CPED1: variants seen among roughly 807,000 people sequenced by gnomAD.
CPED1 encodes cadherin like and PC-esterase domain containing 1.
A neutral mutation model predicts 128.2 loss-of-function variants in CPED1; 114 were observed. The ratio of observed to expected loss-of-function variants is 0.89; its 90% CI spans 0.76 to 1.04. The LOEUF (loss-of-function observed/expected upper bound fraction) is 1.04. Among genes scored for constraint, CPED1 ranks in the 50% least tolerant of loss-of-function variants. The pLI, the probability that CPED1 is intolerant of heterozygous loss-of-function variation, is 0.00. For synonymous variants in CPED1, 462 were observed against 426.7 expected, an observed-to-expected ratio of 1.08 and a Z score of -1.02; for missense variants, 1,211 against 1,207.1, an observed-to-expected ratio of 1.00 and a Z score of -0.05.
intron 7 of CPED1, among the ~76,000 whole-genome samples, chr7:121,104,782 T>TA (rs1794932130): frequency 6.6e-6 from 1 of 152,120 alleles, no homozygotes; most frequent in Admixed American, 6.6e-5. Flanking sequence ...CAAAGGTCAT[T>TA]AAAAAAATTT....
chr7:121,255,461 T>A (rs995751629), intron 18 of CPED1, among the ~76,000 whole-genome samples: 3 of 151,908 alleles, frequency 2.0e-5, no homozygotes, highest in African/African-American at 7.2e-5. Flanking sequence ...TAACATCATA[T>A]GGAATGGGCA....
At chr7:121,178,085 C>G (rs1344588088) in intron 16 of CPED1, among the ~76,000 whole-genome samples, 1 of 152,004 alleles carries the variant, frequency 6.6e-6, no homozygotes, top group African/African-American at 2.4e-5. Context: ...TCAGAAGAAC[C>G]ACAAAGAGAT....
chr7:121,171,931 C>T (rs1041695382), intron 16 of CPED1, among the ~76,000 whole-genome samples: 2 of 152,162 alleles, frequency 1.3e-5, no homozygotes, highest in Non-Finnish European at 2.9e-5. Flanking sequence ...GAATCTGGAA[C>T]CAGAAAGTCT....
chr7:121,058,857 G>A (rs1793576364), intron 4 of CPED1, among the ~76,000 whole-genome samples: 1 of 152,162 alleles, frequency 6.6e-6, no homozygotes, highest in Non-Finnish European at 1.5e-5. Flanking sequence ...CAAATTTGTT[G>A]GAGATGTTGT....
At chr7:121,229,610 A>G (rs1798092862) in intron 16 of CPED1, among the ~76,000 whole-genome samples, 2 of 152,044 alleles carry the variant, frequency 1.3e-5, no homozygotes, top group Admixed American at 6.6e-5. Context: ...CACCCAGGAA[A>G]CTTCTCAGTT....
chr7:121,030,017 T>C (rs1792689692), intron 3 of CPED1, among the ~76,000 whole-genome samples: 1 of 152,170 alleles, frequency 6.6e-6, no homozygotes, highest in Non-Finnish European at 1.5e-5. Flanking sequence ...TGTTACATGT[T>C]TATGGTGGAA....
In CPED1 at chr7:121,136,043, C is replaced by G. The variant is rs41281692; in HGVS notation, c.1652C>G (p.Ala551Gly). 0.45 allele frequency: 664,549 copies of G among 1,480,188 alleles called. 156,829 individuals carry two copies. Among genetic ancestry groups the G allele is most frequent in the East Asian group, 0.84 (32,786 of 38,914 alleles). 91.7% of individuals were successfully genotyped at this position (1,480,188 alleles called of 1,614,324 possible). A position where few individuals can be genotyped will look rare whatever the true frequency, so the allele number is the denominator to read the frequency against. Residue 551 changes from alanine to glycine, a missense_variant, in exon 14 of 23, where the codon GCA (alanine) becomes GGA (glycine). By Grantham distance (60) the Ala-to-Gly change is moderately conservative (BLOSUM62 0). Transcript: ENST00000310396. ...TTACATTTCTTTTTTTTTTTAGCTGCAGTTCCACAAATTAAAAATGAAAAT... is the reference window on the plus strand; with the variant it reads ...TTACATTTCTTTTTTTTTTTAGCTGGAGTTCCACAAATTAAAAATGAAAAT... ...PFDAIENKKA[A>G]VPQIKNENKE...
At chr7:121,219,817 G>A (rs1797838766) in intron 16 of CPED1, among the ~76,000 whole-genome samples, 1 of 151,996 alleles carries the variant, frequency 6.6e-6, no homozygotes. Flanking sequence ...AAACGTACTT[G>A]TAATTTCTCA....
chr7:121,169,037 A>G (rs1796595111), intron 16 of CPED1, among the ~76,000 whole-genome samples: 1 of 152,220 alleles, frequency 6.6e-6, no homozygotes, highest in Non-Finnish European at 1.5e-5. Context: ...AAATATGTGT[A>G]TGTGCTTATA....
At chr7:121,114,673 G>A (rs1795192643) in intron 7 of CPED1, among the ~76,000 whole-genome samples, 1 of 152,196 alleles carries the variant, frequency 6.6e-6, no homozygotes, top group South Asian at 2.1e-4. Context: ...TATGGGTAAA[G>A]TTTCTGTAAG....
chr7:121,114,021 G>A (rs186256403), intron 7 of CPED1, among the ~76,000 whole-genome samples: 5 of 151,886 alleles, frequency 3.3e-5, no homozygotes, highest in Admixed American at 1.3e-4. Context: ...TTGTAGAGAC[G>A]GCCTTTCACC....
chr7:121,098,803 AATATATAAATAAT>A lies in CPED1; in HGVS notation c.749+980_749+992del, dbSNP rs1404319798. Among the ~76,000 whole-genome samples the A allele has an allele frequency of 6.7e-3, 966 of 143,900 alleles. 15 individuals are homozygous for A. Among genetic ancestry groups the A allele is most frequent in the African/African-American group, 0.023 (888 of 39,202 alleles). 94.4% of individuals were successfully genotyped at this position (143,900 alleles called of 152,430 possible). A position where few individuals can be genotyped will look rare whatever the true frequency, so the allele number is the denominator to read the frequency against. On this transcript the variant is annotated intron_variant, in intron 6 of 22. Coordinates refer to ENST00000310396, the MANE Select transcript of CPED1 (RefSeq NM_024913.5). ...ATAAAAATATATAAAAATATATATA[AATATATAAATAAT>A]ATATATATAAATATATATATAAATA...
chr7:121,106,450 A>G (rs942497881), intron 7 of CPED1, among the ~76,000 whole-genome samples: 6 of 152,074 alleles, frequency 3.9e-5, no homozygotes, highest in South Asian at 4.1e-4. Flanking sequence ...TGCCTTTAAT[A>G]CTAGAAAATC....
intron 16 of CPED1, among the ~76,000 whole-genome samples, chr7:121,221,609 A>G (rs1203954066): frequency 1.3e-5 from 2 of 152,170 alleles, no homozygotes; most frequent in Admixed American, 1.3e-4. Flanking sequence ...ATTTCTCCAC[A>G]TCCTCTCCAG....
intron 2 of CPED1, among the ~76,000 whole-genome samples, chr7:121,011,242 C>T (rs1450700967): frequency 6.6e-6 from 1 of 151,744 alleles, no homozygotes; most frequent in Non-Finnish European, 1.5e-5. Flanking sequence ...TTCAGCCTTA[C>T]TATATTTTGA....
rs188582843 is a variant in CPED1 at position 121,104,396 on chromosome 7, G to A, written c.918+4302G>A. On this transcript the variant is annotated intron_variant, in intron 7 of 22. Transcript: ENST00000310396. Reference sequence around the variant, plus strand: ...CAAGAAATGTCATAAATTTAAATTCGGTTCTTAGAGCAAAAAGTCACAAGT... The same window carrying A: ...CAAGAAATGTCATAAATTTAAATTCAGTTCTTAGAGCAAAAAGTCACAAGT... Among the ~76,000 whole-genome samples the A allele has an allele frequency of 3.8e-3, 574 of 152,138 alleles. 2 individuals are homozygous for A. The highest frequency in any genetic ancestry group is 0.024 in the Middle Eastern group (7 of 294).
At chr7:121,035,524 T>C (rs941884138) in intron 3 of CPED1, among the ~76,000 whole-genome samples, 2 of 152,138 alleles carry the variant, frequency 1.3e-5, no homozygotes, top group South Asian at 4.1e-4. Flanking sequence ...AGAGTGGCTA[T>C]AGCTTTGATG....
At chr7:121,248,001 C>T (rs1798576625) in intron 18 of CPED1, among the ~76,000 whole-genome samples, 1 of 152,196 alleles carries the variant, frequency 6.6e-6, no homozygotes, top group South Asian at 2.1e-4. Context: ...CAGCTGGATG[C>T]TTTGCTCCAC....
intron 2 of CPED1, among the ~76,000 whole-genome samples, chr7:120,999,741 T>G (rs1019715371): frequency 7.2e-5 from 11 of 152,202 alleles, no homozygotes; most frequent in Non-Finnish European, 1.3e-4. Flanking sequence ...TGTGAATTTA[T>G]CTGAGACAGT....
Sources: gnomAD v4.1 joint callset for allele counts (sites outside exome capture counted in the v4.1 genomes callset) on GRCh38, gnomAD v4.1.1 for gene constraint, MANE v1.5 for transcripts, NCBI Gene and HGNC (gene_info 2026-07-23, HGNC 2026-07-21) for gene names.